The following RFPL1 variants were observed in gnomAD, a reference collection of about 807,000 sequenced individuals.
RFPL1 encodes ret finger protein like 1, also known as ret finger protein-like 1.
A neutral mutation model predicts 9.6 loss-of-function variants in RFPL1; 6 were observed. The observed-to-expected ratio is 0.62, with a 90% CI of 0.34 to 1.23. The LOEUF (loss-of-function observed/expected upper bound fraction) is 1.23, where lower values mean the gene tolerates loss of function less well. Ranked by LOEUF, RFPL1 falls within the 50% of genes most tolerant of loss-of-function variation. The probability of loss-of-function intolerance (pLI) is 0.03; values close to 1 mark genes in which losing one functional copy is unlikely to be tolerated. For synonymous variants in RFPL1, 145 were observed against 149.4 expected (o/e 0.97, Z 0.22); for missense variants, 352 against 398.4 (o/e 0.88, Z 0.99).
the RFPL1 span, among the ~76,000 whole-genome samples, chr22:29,401,548 T>A: frequency 6.6e-6 from 1 of 152,218 alleles, no homozygotes. Flanking sequence ...CAGCCTGTTT[T>A]TCCTTCCCCT....
chr22:29,424,943 G>C, the RFPL1 span, among the ~76,000 whole-genome samples: 111 of 150,456 alleles, frequency 7.4e-4, 1 homozygote, highest in East Asian at 0.02. Flanking sequence ...GGTGGCTCAC[G>C]CCTGTAATCC....
the RFPL1 span, among the ~76,000 whole-genome samples, chr22:29,427,327 T>C: frequency 6.6e-6 from 1 of 152,150 alleles, no homozygotes; most frequent in Non-Finnish European, 1.5e-5. Context: ...CTGAGCCACA[T>C]GAGTGAGGGA....
chr22:29,410,420 T>G, the RFPL1 span, among the ~76,000 whole-genome samples: 11 of 81,682 alleles, frequency 1.3e-4, 1 homozygote, highest in African/African-American at 3.5e-4. Flanking sequence ...TATATATAGA[T>G]ATATATATTG....
chr22:29,428,452 G>A, the RFPL1 span, among the ~76,000 whole-genome samples: 1 of 152,108 alleles, frequency 6.6e-6, no homozygotes, highest in East Asian at 1.9e-4. Context: ...AGATCATCTA[G>A]GTAAAATAAA....
the RFPL1 span, among the ~76,000 whole-genome samples, chr22:29,407,650 CAGTT>C: frequency 9.2e-5 from 14 of 152,010 alleles, no homozygotes; most frequent in Admixed American, 3.3e-4. Context: ...TAGATTTTAA[CAGTT>C]AGCCCATTTC....
the RFPL1 span, among the ~76,000 whole-genome samples, chr22:29,418,229 C>T: frequency 4.1e-4 from 63 of 151,872 alleles, no homozygotes; most frequent in East Asian, 4.9e-3. Context: ...CACCCAGCCT[C>T]GAATGGGTTT....
chr22:29,420,409 C>T, the RFPL1 span, among the ~76,000 whole-genome samples: 2 of 152,162 alleles, frequency 1.3e-5, no homozygotes, highest in Admixed American at 6.5e-5. Context: ...CAGCTCACTG[C>T]AACTTCTGCC....
At chr22:29,415,515 C>G in the RFPL1 span, among the ~76,000 whole-genome samples, 1 of 152,220 alleles carries the variant, frequency 6.6e-6, no homozygotes, top group East Asian at 1.9e-4. Flanking sequence ...TCAAGCTGGC[C>G]GGAGTCCCCT....
At chr22:29,416,140 G>T in the RFPL1 span, among the ~76,000 whole-genome samples, 1 of 152,334 alleles carries the variant, frequency 6.6e-6, no homozygotes, top group Admixed American at 6.5e-5. Flanking sequence ...CCTCCCAGGA[G>T]CTCATTCCCA....
the RFPL1 span, among the ~76,000 whole-genome samples, chr22:29,426,369 AT>A: frequency 0.025 from 3,753 of 152,018 alleles, 145 homozygotes; most frequent in African/African-American, 0.086. Context: ...GTAATGATGT[AT>A]TTTTTGTCCA....
the RFPL1 span, among the ~76,000 whole-genome samples, chr22:29,391,001 A>G: frequency 4.0e-5 from 6 of 151,478 alleles, no homozygotes; most frequent in African/African-American, 1.5e-4. Context: ...AATTAGCCGG[A>G]CATGGTGGTG....
the RFPL1 span, among the ~76,000 whole-genome samples, chr22:29,429,451 A>C: frequency 1.3e-5 from 2 of 152,240 alleles, no homozygotes; most frequent in Non-Finnish European, 2.9e-5. Flanking sequence ...AAATAAATTA[A>C]GAAATCAGAA....
chr22:29,437,869 C>G (rs1276713737), upstream of RFPL1: 1 of 771,324 alleles, frequency 1.3e-6, no homozygotes, highest in African/African-American at 1.9e-5. Flanking sequence ...AGTTGAAAAC[C>G]AGTCACCCTG....
chr22:29,395,671 TCG>T, the RFPL1 span, among the ~76,000 whole-genome samples: 7 of 152,090 alleles, frequency 4.6e-5, no homozygotes, highest in Non-Finnish European at 1.0e-4. Context: ...CGCCGATGCA[TCG>T]AAAAAGCCCA....
chr22:29,399,049 A>G, the RFPL1 span, among the ~76,000 whole-genome samples: 1 of 152,232 alleles, frequency 6.6e-6, no homozygotes, highest in East Asian at 1.9e-4. Flanking sequence ...TGTTAAGGGC[A>G]CAGGTATTGA....
the RFPL1 span, among the ~76,000 whole-genome samples, chr22:29,410,030 G>T: frequency 6.6e-6 from 1 of 151,574 alleles, no homozygotes; most frequent in African/African-American, 2.4e-5. Flanking sequence ...TTTTCCACAA[G>T]CATCGTCTAT....
chr22:29,388,015 G>GT, the RFPL1 span, among the ~76,000 whole-genome samples: 2 of 151,756 alleles, frequency 1.3e-5, no homozygotes, highest in South Asian at 2.1e-4. Context: ...CCGTTTTCTA[G>GT]TTTTTTTTTC....
At chr22:29,395,668 G>T in the RFPL1 span, among the ~76,000 whole-genome samples, 7 of 152,158 alleles carry the variant, frequency 4.6e-5, no homozygotes, top group Non-Finnish European at 1.0e-4. Flanking sequence ...CTCCGCCGAT[G>T]CATCGAAAAA....
chr22:29,409,599 C>A, the RFPL1 span, among the ~76,000 whole-genome samples: 1 of 152,154 alleles, frequency 6.6e-6, no homozygotes, highest in Non-Finnish European at 1.5e-5. Context: ...TCAGTGAATA[C>A]CCATCTGTCC....
Sources: gnomAD v4.1 joint callset for allele counts (sites outside exome capture counted in the v4.1 genomes callset) on GRCh38, gnomAD v4.1.1 for gene constraint, MANE v1.5 for transcripts, NCBI Gene and HGNC (gene_info 2026-07-23, HGNC 2026-07-21) for gene names.